The following INTS5 variants were observed in gnomAD, a reference collection of about 807,000 sequenced individuals.
INTS5 encodes the protein KIAA1698.
Under a neutral mutation model 60.0 loss-of-function variants are expected in INTS5, and 29 were observed. The ratio of observed to expected loss-of-function variants is 0.48; its 90% CI spans 0.36 to 0.66. The LOEUF (loss-of-function observed/expected upper bound fraction) is 0.66. INTS5 is among the 30% of genes least tolerant of loss of function. INTS5 has a pLI of 0.00. For missense variants in INTS5, 1,129 were observed against 1,307.9 expected, an observed-to-expected ratio of 0.86 and a Z score of 2.11; for synonymous variants, 588 against 558.8, an observed-to-expected ratio of 1.05 and a Z score of -0.74.
chr11:62,649,230 C>G lies in INTS5; in HGVS notation c.850G>C (p.Ala284Pro), dbSNP rs1944574385. ...DPFPGSPAIP[A>P]EKRVPKIASV... ...GCAATCTTGGGCACCCGTTTCTCCG[C>G]AGGAATGGCAGGAGATCCAGGGAAG... is the stretch of plus-strand genomic sequence containing the variant. The change falls in exon 2 of 2, where the codon GCG becomes CCG. Residue 284 changes from alanine to proline, a missense_variant. Ala to Pro is a conservative substitution (Grantham distance 27). Around this residue, in one of 3 missense-constraint regions of INTS5, gnomAD observed 1,070 missense variants for 1,246.1 expected, o/e 0.86. Transcript: ENST00000330574. The surrounding 1 kb of genome is among the most constrained non-coding windows in gnomAD (Gnocchi z 6.0). 2.5e-6 allele frequency: 4 copies of G among 1,613,676 alleles called. No homozygotes were observed. In the South Asian group the frequency reaches 3.3e-5, roughly 13 times the overall value.
chr11:62,647,257 C>G lies in INTS5; in HGVS notation c.2823G>C (p.Leu941=), dbSNP rs551521257. ...GAAAACCCCAGACACTGAGCAGCAG[C>G]AGACGCACCTCGAAAGGTGCCAGTT... ...FSQLAPFEVR[L]LLLSVWGFLR... is the part of the protein sequence containing the mutation. The change falls in exon 2 of 2, where the codon CTG becomes CTC. Residue 941 remains leucine, a synonymous_variant. Transcript: ENST00000330574. 6.2e-7 allele frequency: 1 copy of G among 1,614,238 alleles called. No homozygotes were observed. Among genetic ancestry groups the G allele is most frequent in the African/African-American group, 1.3e-5 (1 of 75,078 alleles).
chr11:62,652,236 T>G (rs1027782881), intron 1 of INTS5, among the ~76,000 whole-genome samples: 20 of 151,238 alleles, frequency 1.3e-4, no homozygotes, highest in African/African-American at 4.9e-4. Context: ...TGAGAATCGC[T>G]TGAACCCAGG....
In INTS5 at chr11:62,653,196, C is replaced by T. The variant is rs1944610394; in HGVS notation, c.54G>A (p.Pro18=). The T allele has an allele frequency of 8.0e-7, 1 of 1,247,496 alleles. No homozygotes were observed. Among genetic ancestry groups the T allele is most frequent in the Non-Finnish European group, 1.0e-6 (1 of 987,686 alleles). The allele number at this position is 1,247,496 out of a possible 1,614,324, so 77.3% of individuals were successfully genotyped here. The change falls in exon 1 of 2, where the codon CCG becomes CCA. Residue 18 remains proline, a synonymous_variant. Transcript: ENST00000330574. Reference sequence around the variant, plus strand: ...TGAGAGGCGCGGGACCGTGGGTGGCCGGGGCAGGCCCAGGTGGCCCTGGGG... The same window carrying T: ...TGAGAGGCGCGGGACCGTGGGTGGCTGGGGCAGGCCCAGGTGGCCCTGGGG... ...PGAPGPPGPA[P]ATHGPAPLSA...
rs1168432962 is a variant in INTS5 at position 62,647,410 on chromosome 11, T to C, written c.2670A>G (p.Glu890=). The C allele has an allele frequency of 2.5e-6, 4 of 1,611,564 alleles. No homozygotes were observed. Among genetic ancestry groups the C allele is most frequent in the Non-Finnish European group, 3.4e-6 (4 of 1,178,622 alleles). The part of the protein sequence containing the change: ...GLLAALLGHW[E]ASRHPDTTHS... ...GGGTCGTGTCAGGGTGGCGAGAGGC[T>C]TCCCAATGGCCCAAGAGGGCGGCCA... Residue 890 remains glutamate (E), a synonymous_variant, in exon 2 of 2, where the codon GAA becomes GAG. Coordinates refer to ENST00000330574, the MANE Select transcript of INTS5 (RefSeq NM_030628.2).
rs750810928 is a variant in INTS5, at chr11:62,649,417, TGGA to T, written c.660_662del (p.Pro221del). ...TATGTGCCACAACCCAGTCAAAGTG[TGGA>T]GAATGCTGAACAGAGGTATCCAGCA... On this transcript the variant is annotated inframe_deletion, in exon 2 of 2. Transcript: ENST00000330574. This position sits in a 1 kb window ranked among gnomAD's most constrained non-coding sequence, Gnocchi z 6.0. The T allele has an allele frequency of 1.1e-5, 17 of 1,613,898 alleles. No individual in the cohort carries two copies. Among genetic ancestry groups the T allele is most frequent in the Non-Finnish European group, 1.4e-5 (17 of 1,180,022 alleles).
chr11:62,651,645 C>T (rs962611705), intron 1 of INTS5, among the ~76,000 whole-genome samples: 20 of 151,004 alleles, frequency 1.3e-4, no homozygotes, highest in South Asian at 2.1e-4. Flanking sequence ...ATCGCTTGAG[C>T]GCAAGAGTTC....
Position 62,647,973 on chromosome 11 carries a change from C to G in INTS5, c.2107G>C (p.Glu703Gln). ...VEGALHRGNTELFGGQVDGDN... is the reference protein window; with the variant it reads ...VEGALHRGNTQLFGGQVDGDN... ...CCATCTACTTGCCCACCAAACAGTTCTGTGTTGCCTCGATGTAAGGCTCCT... is the reference window on the plus strand; with the variant it reads ...CCATCTACTTGCCCACCAAACAGTTGTGTGTTGCCTCGATGTAAGGCTCCT... Residue 703 changes from glutamate to glutamine, a missense_variant, in exon 2 of 2, where the codon GAA becomes CAA. Coordinates refer to ENST00000330574, the MANE Select transcript of INTS5 (RefSeq NM_030628.2). The G allele has an allele frequency of 6.2e-7, 1 of 1,614,212 alleles. No homozygotes were observed.
At chr11:62,652,353 A>G (rs939959688) in intron 1 of INTS5, among the ~76,000 whole-genome samples, 1 of 151,364 alleles carries the variant, frequency 6.6e-6, no homozygotes, top group Non-Finnish European at 1.5e-5. Context: ...TTTCCACTTT[A>G]TCACCTTCTA....
intron 1 of INTS5, among the ~76,000 whole-genome samples, chr11:62,650,338 G>C (rs926024776): frequency 2.0e-5 from 3 of 152,028 alleles, no homozygotes; most frequent in Non-Finnish European, 2.9e-5. Flanking sequence ...GGATGGTCTT[G>C]ATCTCCTGAC....
Position 62,649,318 on chromosome 11 carries a change from A to C in INTS5, c.762T>G (p.Gly254=), listed in dbSNP as rs1285862093. The change falls in exon 2 of 2, where the codon GGT becomes GGG. Residue 254 remains glycine (G), a synonymous_variant. Transcript: ENST00000330574. This position sits in a 1 kb window ranked among gnomAD's most constrained non-coding sequence, Gnocchi z 6.0. The stretch of plus-strand genomic sequence containing the variant: ...TACTGCCAGCTCCACCTCCAGCCCC[A>C]CCATGGACACAAAAGTCCTTAAGGC... ...SCGLKDFCVH[G]GAGGGAGSSG... is the part of the protein sequence containing the mutation. 3.7e-6 allele frequency: 6 copies of C among 1,614,154 alleles called. No homozygotes were observed. The highest frequency in any genetic ancestry group is 5.1e-6 in the Non-Finnish European group (6 of 1,180,026).
chr11:62,649,996 A>C lies in INTS5; in HGVS notation c.84T>G (p.Ala28=), dbSNP rs749705581. 1.2e-6 allele frequency: 2 copies of C among 1,613,308 alleles called. No individual in the cohort carries two copies. The highest frequency in any genetic ancestry group is 2.7e-5 in the African/African-American group (2 of 74,916). ...CCTTGATTTCCTGGGACAGCTCCTG[A>C]GCACTACAAGGAAGCAAAAGAAACA... ...PATHGPAPLS[A]QELSQEIKAF... is the part of the protein sequence containing the mutation. The change falls in exon 2 of 2, where the codon GCT becomes GCG. Residue 28 remains alanine, a synonymous_variant. Coordinates refer to ENST00000330574, the MANE Select transcript of INTS5 (RefSeq NM_030628.2). The surrounding 1 kb of genome is among the most constrained non-coding windows in gnomAD (Gnocchi z 6.0).
chr11:62,651,406 G>GC (rs1423555761), intron 1 of INTS5, among the ~76,000 whole-genome samples: 1 of 152,032 alleles, frequency 6.6e-6, no homozygotes, highest in Non-Finnish European at 1.5e-5. Context: ...TGAGCCACGT[G>GC]CCCGGCCAAA....
rs548757492 is a variant in INTS5, at chr11:62,647,671, G to A, written c.2409C>T (p.Ile803=). ...TECGECWGAP[I]LSPEAAKAVA... is the part of the protein sequence containing the mutation. ...CTGCTTTGGCTGCCTCTGGACTCAAGATGGGTGCCCCCCAGCATTCCCCAC... is the reference window on the plus strand; with the variant it reads ...CTGCTTTGGCTGCCTCTGGACTCAAAATGGGTGCCCCCCAGCATTCCCCAC... Residue 803 remains isoleucine, a synonymous_variant, in exon 2 of 2, where the codon ATC becomes ATT. Coordinates refer to ENST00000330574, the MANE Select transcript of INTS5 (RefSeq NM_030628.2). The A allele has an allele frequency of 1.2e-6, 2 of 1,614,134 alleles. No individual in the cohort carries two copies. Among genetic ancestry groups the A allele is most frequent in the Middle Eastern group, 1.6e-4 (1 of 6,062 alleles).
chr11:62,652,589 T>C (rs1211640894), intron 1 of INTS5, among the ~76,000 whole-genome samples: 1 of 152,036 alleles, frequency 6.6e-6, no homozygotes, highest in Non-Finnish European at 1.5e-5. Flanking sequence ...AGAGTAATAA[T>C]GCTTTTCAAC....
chr11:62,650,242 T>C (rs1278700261), intron 1 of INTS5, among the ~76,000 whole-genome samples: 1 of 149,812 alleles, frequency 6.7e-6, no homozygotes. Context: ...TCAGCCTCCC[T>C]AGTAGCTGGG....
At position 62,650,611 on chromosome 11, in the gene INTS5, C is replaced by T. The variant is rs529925332; in HGVS notation, c.81-612G>A. ...TATTTTTAGTAGAGACAGATTTTAC[C>T]ATGTTGCCCAGGCTGGTCTCAAACT... is the stretch of plus-strand genomic sequence containing the variant. On this transcript the variant is annotated intron_variant, in intron 1 of 1. Coordinates refer to ENST00000330574, the MANE Select transcript of INTS5 (RefSeq NM_030628.2). Among the ~76,000 whole-genome samples, 4 of 152,218 alleles carry T rather than the reference C, an allele frequency of 2.6e-5. No individual in the cohort carries two copies. The East Asian group carries it at 7.7e-4, about 29-fold the overall frequency.
rs777879817 is a variant in INTS5 at position 62,646,970 on chromosome 11, C to T, written c.*50G>A. On this transcript the variant is annotated 3_prime_UTR_variant, in exon 2 of 2. Transcript: ENST00000330574. Reference sequence around the variant, plus strand: ...CCACCCTTCCGGAGCACGTTAGTCCCTTCCCTCTCTCACTGCTCAACCTCC... The same window carrying T: ...CCACCCTTCCGGAGCACGTTAGTCCTTTCCCTCTCTCACTGCTCAACCTCC... 26 of 1,468,446 alleles carry T rather than the reference C, an allele frequency of 1.8e-5. No individual in the cohort carries two copies. The highest frequency in any genetic ancestry group is 2.4e-5 in the Non-Finnish European group (26 of 1,065,446). 91.0% of individuals were successfully genotyped at this position (1,468,446 alleles called of 1,614,324 possible). A position where few individuals can be genotyped will look rare whatever the true frequency, so the allele number is the denominator to read the frequency against.
In INTS5 at chr11:62,647,009, G is replaced by A. The variant is rs1237664871; in HGVS notation, c.*11C>T. 1.9e-6 allele frequency: 3 copies of A among 1,598,470 alleles called. No homozygotes were observed. The highest frequency in any genetic ancestry group is 2.2e-5 in the South Asian group (2 of 90,400). On this transcript the variant is annotated 3_prime_UTR_variant, in exon 2 of 2. Transcript: ENST00000330574. ...TGCTCAACCTCCCTGGGCTTCCAGA[G>A]CAAGAAAAGGCTACGTCCCCTGTCG...
At chr11:62,652,455 C>T (rs1198437896) in intron 1 of INTS5, among the ~76,000 whole-genome samples, 1 of 149,800 alleles carries the variant, frequency 6.7e-6, no homozygotes, top group Non-Finnish European at 1.5e-5. Flanking sequence ...TTATTAAGGG[C>T]TCTCCCTCCT....
Sources: gnomAD v4.1 joint callset for allele counts (sites outside exome capture counted in the v4.1 genomes callset) on GRCh38, gnomAD v4.1.1 for gene constraint, gnomAD v4.1.1 regional missense constraint, Gnocchi (gnomAD v3.1) non-coding constraint, MANE v1.5 for transcripts, NCBI Gene and HGNC (gene_info 2026-07-23, HGNC 2026-07-21) for gene names.